PSMA1: variants seen among roughly 807,000 people sequenced by gnomAD.
PSMA1 encodes the protein proteasome 20S subunit alpha 1.
PSMA1 carries 3 observed loss-of-function variants against 38.4 expected under a neutral mutation model. The ratio of observed to expected loss-of-function variants is 0.08; its 90% CI spans 0.04 to 0.20. The LOEUF is 0.20. PSMA1 is among the 10% of genes least tolerant of loss of function. PSMA1 has a pLI of 1.00. For synonymous variants in PSMA1, 101 were observed against 107.1 expected, an observed-to-expected ratio of 0.94 and a Z score of 0.35; for missense variants, 227 against 325.3, an observed-to-expected ratio of 0.70 and a Z score of 2.32.
chr11:14,578,382 A>T (rs1311856979), intron 2 of PSMA1, among the ~76,000 whole-genome samples: 1 of 152,164 alleles, frequency 6.6e-6, no homozygotes, highest in Non-Finnish European at 1.5e-5. Flanking sequence ...AAAAAGCATC[A>T]TTGTCAGTAG....
At chr11:14,638,566 TATATATATATATATATA>T (rs1853150464) in intron 1 of PSMA1, among the ~76,000 whole-genome samples, 3 of 22,694 alleles carry the variant, frequency 1.3e-4, no homozygotes, top group Non-Finnish European at 3.0e-4. Context: ...TATATATATA[TATATATATATATATATA>T]TATTTTTTTT....
At chr11:14,623,827 C>T (rs1254742621) in intron 1 of PSMA1, among the ~76,000 whole-genome samples, 1 of 152,214 alleles carries the variant, frequency 6.6e-6, no homozygotes, top group African/African-American at 2.4e-5. Flanking sequence ...GAATGTCCAA[C>T]CTGTCAGCAA....
At chr11:14,580,541 C>T (rs543659603) in intron 2 of PSMA1, among the ~76,000 whole-genome samples, 1 of 152,316 alleles carries the variant, frequency 6.6e-6, no homozygotes, top group South Asian at 2.1e-4. Context: ...TCTTAACTTC[C>T]CCTGAGTCCA....
intron 2 of PSMA1, among the ~76,000 whole-genome samples, chr11:14,542,445 A>G (rs1042348045): frequency 1.3e-5 from 2 of 152,188 alleles, no homozygotes; most frequent in Admixed American, 1.3e-4. Flanking sequence ...TTTGTTGGCA[A>G]CTTGTTGAAG....
At chr11:14,507,600 T>C (rs1437411871) in intron 9 of PSMA1, 56 bp downstream of exon 9, 1 of 1,185,564 alleles carries the variant, frequency 8.4e-7, no homozygotes, top group Non-Finnish European at 1.2e-6. Context: ...GACACAGTTG[T>C]GGTAAGAACA....
intron 1 of PSMA1, among the ~76,000 whole-genome samples, chr11:14,634,696 G>C (rs1853089506): frequency 6.6e-6 from 1 of 152,268 alleles, no homozygotes; most frequent in East Asian, 1.9e-4. Flanking sequence ...TCATGTTTTA[G>C]GGGCTGGTAG....
chr11:14,520,312 G>C lies in PSMA1; in HGVS notation c.-13C>G. 1 of 1,614,186 alleles carries C rather than the reference G, an allele frequency of 6.2e-7. No homozygotes were observed. Among genetic ancestry groups the C allele is most frequent in the Non-Finnish European group, 8.5e-7 (1 of 1,180,012 alleles). On this transcript the variant is annotated 5_prime_UTR_variant, in exon 1 of 10. Transcript: ENST00000396394. ...TTCAACGTACCATGGTGGCGGCGCG[G>C]GCCTGGTTGCGGCCTCCAGCAAAAC...
intron 2 of PSMA1, among the ~76,000 whole-genome samples, chr11:14,564,275 C>T (rs553417621): frequency 1.3e-5 from 2 of 152,008 alleles, no homozygotes; most frequent in African/African-American, 2.4e-5. Context: ...ATCTGAAGAA[C>T]GTTTCAAAAA....
chr11:14,567,386 G>A (rs1296218854), intron 2 of PSMA1, among the ~76,000 whole-genome samples: 1 of 152,174 alleles, frequency 6.6e-6, no homozygotes, highest in Non-Finnish European at 1.5e-5. Flanking sequence ...ATTTGAGCAT[G>A]GCAGATAAGG....
chr11:14,634,971 T>C, intron 1 of PSMA1, among the ~76,000 whole-genome samples: 1 of 152,196 alleles, frequency 6.6e-6, no homozygotes, highest in East Asian at 1.9e-4. Flanking sequence ...CCATTTTTAG[T>C]AAAGATTTAG....
intron 2 of PSMA1, among the ~76,000 whole-genome samples, chr11:14,558,250 A>C (rs1462577651): frequency 5.0e-5 from 1 of 19,884 alleles, no homozygotes; most frequent in South Asian, 1.5e-3. Flanking sequence ...CCATCTGCAC[A>C]AAAAAAAAAA....
upstream of PSMA1, among the ~76,000 whole-genome samples, chr11:14,521,034 C>T (rs1851519622): frequency 6.6e-6 from 1 of 152,132 alleles, no homozygotes; most frequent in African/African-American, 2.4e-5. Context: ...GCCCCCAAAA[C>T]CAAGCATGGT....
chr11:14,642,963 A>G (rs1853236407), intron 1 of PSMA1, among the ~76,000 whole-genome samples: 1 of 152,032 alleles, frequency 6.6e-6, no homozygotes, highest in South Asian at 2.1e-4. Flanking sequence ...ATTTGCAAAG[A>G]CCAATTGCGA....
chr11:14,586,536 T>A (rs979667823), intron 2 of PSMA1, among the ~76,000 whole-genome samples: 3 of 152,194 alleles, frequency 2.0e-5, no homozygotes, highest in Non-Finnish European at 4.4e-5. Flanking sequence ...TACACATATA[T>A]GATAGGTATT....
At chr11:14,514,971 A>G (rs779757615) in intron 4 of PSMA1, among the ~76,000 whole-genome samples, 2 of 152,248 alleles carry the variant, frequency 1.3e-5, no homozygotes, top group African/African-American at 2.4e-5. Context: ...ACTTCTATTC[A>G]TAAGAAGCAC....
chr11:14,610,937 G>T (rs1445935862), intron 2 of PSMA1: 1 of 1,607,896 alleles, frequency 6.2e-7, no homozygotes, highest in Admixed American at 1.7e-5. Context: ...TGCATTCTGT[G>T]TTTTATCAAA....
At chr11:14,524,442 C>A (rs948718942), upstream of PSMA1, among the ~76,000 whole-genome samples, 1 of 152,170 alleles carries the variant, frequency 6.6e-6, no homozygotes, top group Non-Finnish European at 1.5e-5. Flanking sequence ...TAATCTCCCC[C>A]ACCCTTAAGA....
At position 14,514,504 on chromosome 11, in the gene PSMA1, CA is replaced by C. The variant is rs1452688349; in HGVS notation, c.255-14del. On this transcript the variant is annotated splice_polypyrimidine_tract_variant and intron_variant, in intron 4 of 9. Transcript: ENST00000396394. ...ACGCATAAAATTACTAAAAAAGAAA[CA>C]AAAAAAGTTTAGTAATTTCAAATTA... is the stretch of plus-strand genomic sequence containing the variant. The C allele has an allele frequency of 1.0e-5, 16 of 1,524,528 alleles. No individual in the cohort carries two copies. The highest frequency in any genetic ancestry group is 1.2e-5 in the Non-Finnish European group (14 of 1,138,446). 94.4% of individuals were successfully genotyped at this position (1,524,528 alleles called of 1,614,324 possible).
intron 1 of PSMA1, among the ~76,000 whole-genome samples, chr11:14,615,097 C>G (rs940208106): frequency 6.6e-6 from 1 of 152,192 alleles, no homozygotes; most frequent in East Asian, 1.9e-4. Flanking sequence ...CATGCAAGTT[C>G]TTTTGTATAT....
Sources: gnomAD v4.1 joint callset for allele counts (sites outside exome capture counted in the v4.1 genomes callset) on GRCh38, gnomAD v4.1.1 for gene constraint, MANE v1.5 for transcripts, NCBI Gene and HGNC (gene_info 2026-07-23, HGNC 2026-07-21) for gene names.